The following RELN variants were observed in gnomAD, a reference collection of about 807,000 sequenced individuals.
The protein encoded by RELN is reelin.
A neutral mutation model predicts 427.6 loss-of-function variants in RELN; 108 were observed. The ratio of observed to expected loss-of-function variants is 0.25; its 90% confidence interval spans 0.22 to 0.30. The LOEUF is 0.30. Among genes scored for constraint, RELN ranks in the 10% least tolerant of loss-of-function variants. The pLI is 1.00. For missense variants in RELN, 3,715 were observed against 4,302.8 expected (o/e 0.86, Z 3.82); for synonymous variants, 1,524 against 1,513.4 (o/e 1.01, Z -0.16).
chr7:103,980,356 T>C (rs1796966303), intron 1 of RELN, among the ~76,000 whole-genome samples: 1 of 152,130 alleles, frequency 6.6e-6, no homozygotes, highest in Non-Finnish European at 1.5e-5. Flanking sequence ...GTCAAAGAAT[T>C]ATGGACTTAT....
intron 16 of RELN, among the ~76,000 whole-genome samples, chr7:103,649,700 A>C (rs548097307): frequency 6.6e-6 from 1 of 151,668 alleles, no homozygotes; most frequent in Non-Finnish European, 1.5e-5. Flanking sequence ...TATCGACTTT[A>C]AAATGATGCA....
intron 48 of RELN, among the ~76,000 whole-genome samples, chr7:103,519,722 A>G (rs979044344): frequency 3.3e-5 from 5 of 151,892 alleles, no homozygotes; most frequent in Non-Finnish European, 7.4e-5. Flanking sequence ...GGCTGGGACT[A>G]CGGGTACATG....
Position 103,490,744 on chromosome 7 carries a change from C to A in RELN, c.9529G>T (p.Ala3177Ser). 4.3e-6 allele frequency: 7 copies of A among 1,614,136 alleles called. No individual in the cohort carries two copies. Among genetic ancestry groups the A allele is most frequent in the Non-Finnish European group, 5.9e-6 (7 of 1,180,042 alleles). ...IGCSPFQFHE[A>S]TIYNSVNSSS... ...CTGTTGACAGAGTTGTAGATGGTGG[C>A]TTCATGGAACTGGAAAGGGGAGCAG... Residue 3177 changes from alanine (A) to serine (S), a missense_variant, in exon 59 of 65, where the codon GCC becomes TCC. By Grantham distance (99) the Ala-to-Ser change is moderately conservative. This residue lies in a region of RELN where 1,310 missense variants were observed against 1,643.0 expected (regional missense o/e 0.80). Coordinates refer to ENST00000428762, the MANE Select transcript of RELN (RefSeq NM_005045.4).
intron 3 of RELN, among the ~76,000 whole-genome samples, chr7:103,822,260 A>G (rs1441536579): frequency 6.6e-6 from 1 of 152,058 alleles, no homozygotes; most frequent in Non-Finnish European, 1.5e-5. Flanking sequence ...TATTAGTCTA[A>G]ATAGCATTCA....
chr7:103,622,376 C>T (rs1216564679), intron 20 of RELN, among the ~76,000 whole-genome samples: 2 of 152,204 alleles, frequency 1.3e-5, no homozygotes, highest in Non-Finnish European at 2.9e-5. Context: ...ATCCTAAGAA[C>T]ATGCAGATGA....
chr7:103,719,019 T>C (rs1437803504), intron 8 of RELN, among the ~76,000 whole-genome samples: 1 of 152,212 alleles, frequency 6.6e-6, no homozygotes, highest in African/African-American at 2.4e-5. Flanking sequence ...TATTTCTCTA[T>C]TGCTCAAGAG....
intron 2 of RELN, among the ~76,000 whole-genome samples, chr7:103,888,834 T>A (rs1418984435): frequency 6.6e-6 from 1 of 152,152 alleles, no homozygotes; most frequent in African/African-American, 2.4e-5. Flanking sequence ...TACACAACAC[T>A]GCGAGGCAGC....
intron 1 of RELN, among the ~76,000 whole-genome samples, chr7:103,972,711 G>A (rs1796788723): frequency 6.6e-6 from 1 of 152,148 alleles, no homozygotes. Flanking sequence ...GTCAGGCAGA[G>A]GCTTACAAGA....
chr7:103,672,801 T>C (rs572923435), intron 11 of RELN, among the ~76,000 whole-genome samples: 19 of 152,194 alleles, frequency 1.2e-4, no homozygotes, highest in Non-Finnish European at 2.6e-4. Context: ...TTACTGATAG[T>C]GATTATGTTT....
chr7:103,725,709 T>C (rs1790194849), intron 7 of RELN, among the ~76,000 whole-genome samples: 1 of 152,130 alleles, frequency 6.6e-6, no homozygotes, highest in Non-Finnish European at 1.5e-5. Context: ...TATCTTATAC[T>C]AACAAAATTA....
intron 63 of RELN, among the ~76,000 whole-genome samples, chr7:103,479,791 C>G (rs1425240467): frequency 2.0e-5 from 3 of 152,102 alleles, no homozygotes; most frequent in East Asian, 3.8e-4. Flanking sequence ...TAAGTTTGTT[C>G]TCATTAAACT....
chr7:103,949,038 A>AC (rs1162079630), intron 1 of RELN, among the ~76,000 whole-genome samples: 2,073 of 129,266 alleles, frequency 0.016, 31 homozygotes, highest in African/African-American at 0.028. Flanking sequence ...AAAAAAAAAA[A>AC]AAAAAAAAAC....
chr7:103,896,960 A>C (rs1431085298), intron 2 of RELN, among the ~76,000 whole-genome samples: 1 of 152,030 alleles, frequency 6.6e-6, no homozygotes, highest in African/African-American at 2.4e-5. Context: ...GTGGCTGGGG[A>C]GGCCTCACAA....
At chr7:103,879,149 G>A (rs1473610226) in intron 2 of RELN, among the ~76,000 whole-genome samples, 1 of 152,184 alleles carries the variant, frequency 6.6e-6, no homozygotes, top group Non-Finnish European at 1.5e-5. Context: ...GAGAGGTCCA[G>A]ATCCTAATCT....
intron 12 of RELN, among the ~76,000 whole-genome samples, chr7:103,660,499 C>T (rs941911597): frequency 2.0e-5 from 3 of 152,134 alleles, no homozygotes; most frequent in African/African-American, 7.2e-5. Context: ...TCTGAGGTTT[C>T]CCATGCAACC....
At chr7:103,941,588 T>C (rs1482064535) in intron 1 of RELN, among the ~76,000 whole-genome samples, 1 of 152,196 alleles carries the variant, frequency 6.6e-6, no homozygotes, top group Non-Finnish European at 1.5e-5. Context: ...ATTTAATGTC[T>C]ACTCATTCTA....
chr7:103,565,203 G>C, intron 34 of RELN, 75 bp downstream of exon 34: 1 of 1,516,494 alleles, frequency 6.6e-7, no homozygotes, highest in East Asian at 2.3e-5. Context: ...GAATCCCCAG[G>C]CCGAATCACA....
intron 51 of RELN, among the ~76,000 whole-genome samples, chr7:103,506,791 T>C (rs1829228914): frequency 1.3e-5 from 2 of 152,048 alleles, no homozygotes. Flanking sequence ...TCAAGACCCA[T>C]CTCATGTGCA....
intron 2 of RELN, among the ~76,000 whole-genome samples, chr7:103,877,467 T>C (rs1259803278): frequency 6.6e-6 from 1 of 152,314 alleles, no homozygotes; most frequent in South Asian, 2.1e-4. Flanking sequence ...ATTTTATTTC[T>C]GTAATATTTC....
Sources: allele counts gnomAD v4.1 joint callset (sites outside exome capture counted in the v4.1 genomes callset), GRCh38; gene constraint gnomAD v4.1.1; regional missense constraint gnomAD v4.1.1; transcripts MANE v1.5; gene names NCBI Gene and HGNC (gene_info 2026-07-23, HGNC 2026-07-21).